The following TAFA2 variants were observed in gnomAD, a reference collection of about 807,000 sequenced individuals.
TAFA2 encodes chemokine-like protein TAFA-2.
Under a neutral mutation model 18.8 loss-of-function variants are expected in TAFA2, and 7 were observed. The observed-to-expected ratio is 0.37, with a 90% CI of 0.21 to 0.70. The LOEUF is 0.70. Ranked by LOEUF, TAFA2 falls within the 30% of genes least tolerant of loss-of-function variation. The pLI is 0.53. For missense variants in TAFA2, 122 were observed against 158.1 expected (o/e 0.77, Z 1.23); for synonymous variants, 60 against 54.2 (o/e 1.11, Z -0.47).
intron 1 of TAFA2, among the ~76,000 whole-genome samples, chr12:62,108,469 C>T (rs11174324): frequency 0.22 from 34,125 of 152,028 alleles, 4,203 homozygotes; most frequent in East Asian, 0.37. Context: ...TATGTCTTTA[C>T]AGTAGAATTT....
At chr12:61,743,854 C>T (rs12304279) in intron 4 of TAFA2, among the ~76,000 whole-genome samples, 51,992 of 151,608 alleles carry the variant, frequency 0.34, 8,934 homozygotes, top group South Asian at 0.38. Context: ...CATGGGAGAA[C>T]GTACATAGGA....
In TAFA2 at chr12:62,227,961, G is replaced by T. The variant is rs146338625; in HGVS notation, c.-130+30802C>A. On this transcript the variant is annotated intron_variant, in intron 1 of 5. Transcript: ENST00000551619. The stretch of plus-strand genomic sequence containing the variant: ...CTTGATTCTCTCTTCTGTTCCATGG[G>T]TCTATGTATATGTTTTTATGTGGGT... Among the ~76,000 whole-genome samples, 235 of 151,992 alleles carry T rather than the reference G, an allele frequency of 1.5e-3. 1 individual carries two copies. The highest frequency in any genetic ancestry group is 5.5e-3 in the African/African-American group (226 of 41,446).
chr12:61,848,657 T>C (rs1481277866), intron 2 of TAFA2, among the ~76,000 whole-genome samples: 1 of 151,706 alleles, frequency 6.6e-6, no homozygotes, highest in Non-Finnish European at 1.5e-5. Context: ...TCATCTATTT[T>C]ATTGAACACT....
chr12:61,908,337 T>C (rs1254027310), intron 1 of TAFA2, among the ~76,000 whole-genome samples: 1 of 152,088 alleles, frequency 6.6e-6, no homozygotes, highest in Non-Finnish European at 1.5e-5. Flanking sequence ...CCATGAAATC[T>C]GATGGTTTTA....
At chr12:61,878,554 C>T (rs1309567775) in intron 1 of TAFA2, among the ~76,000 whole-genome samples, 2 of 152,152 alleles carry the variant, frequency 1.3e-5, no homozygotes, top group Non-Finnish European at 2.9e-5. Context: ...TTATTTCCAG[C>T]ATTTATGTTT....
At chr12:61,788,211 TC>T (rs1870819219) in intron 2 of TAFA2, among the ~76,000 whole-genome samples, 1 of 151,186 alleles carries the variant, frequency 6.6e-6, no homozygotes, top group Admixed American at 6.6e-5. Context: ...AGAGGAAATA[TC>T]ATTAAATCTA....
At chr12:61,932,443 C>T (rs1186887709) in intron 1 of TAFA2, among the ~76,000 whole-genome samples, 2 of 152,164 alleles carry the variant, frequency 1.3e-5, no homozygotes, top group East Asian at 3.9e-4. Context: ...ATAATATCAT[C>T]CACACCCATA....
In TAFA2 at chr12:61,848,052, T is replaced by C. The variant is rs1394379230; in HGVS notation, c.106+19268A>G. 3.9e-5 allele frequency among the ~76,000 whole-genome samples: 6 copies of C among 152,222 alleles called. No individual in the cohort carries two copies. In the East Asian group the frequency reaches 1.2e-3, roughly 29 times the overall value. ...TTCAATTGATGGATTTTCTCGATATTAACCTTCCAGTGAGTTAGCTATAAC... is the reference window on the plus strand; with the variant it reads ...TTCAATTGATGGATTTTCTCGATATCAACCTTCCAGTGAGTTAGCTATAAC... On this transcript the variant is annotated intron_variant, in intron 2 of 4. Coordinates refer to ENST00000416284, the MANE Select transcript of TAFA2 (RefSeq NM_178539.5).
chr12:61,995,034 G>C (rs1880138074), intron 1 of TAFA2, among the ~76,000 whole-genome samples: 1 of 152,160 alleles, frequency 6.6e-6, no homozygotes, highest in African/African-American at 2.4e-5. Context: ...CACTCAACAA[G>C]AGTGTTCCTA....
At chr12:61,736,951 G>C (rs1054745173) in intron 4 of TAFA2, among the ~76,000 whole-genome samples, 1 of 151,930 alleles carries the variant, frequency 6.6e-6, no homozygotes, top group Admixed American at 6.6e-5. Context: ...TATAGATATA[G>C]CACTGCACTA....
chr12:61,875,504 ATATAT>A (rs1415679184), intron 1 of TAFA2, among the ~76,000 whole-genome samples: 1 of 152,150 alleles, frequency 6.6e-6, no homozygotes, highest in Non-Finnish European at 1.5e-5. Context: ...GTAACAAGAT[ATATAT>A]TATATCAAAA....
chr12:61,778,275 G>T (rs1870356768), intron 2 of TAFA2, among the ~76,000 whole-genome samples: 1 of 151,682 alleles, frequency 6.6e-6, no homozygotes, highest in African/African-American at 2.4e-5. Flanking sequence ...TCGAGCCTAA[G>T]GGGCAAGGAA....
chr12:62,118,576 C>A (rs1270165852), intron 1 of TAFA2, among the ~76,000 whole-genome samples: 2 of 152,170 alleles, frequency 1.3e-5, no homozygotes, highest in Admixed American at 6.5e-5. Flanking sequence ...CCAATTTGCC[C>A]TCCAGTCAGC....
At chr12:62,040,711 C>G (rs142666059) in intron 1 of TAFA2, among the ~76,000 whole-genome samples, 7 of 152,244 alleles carry the variant, frequency 4.6e-5, no homozygotes, top group South Asian at 2.1e-4. Flanking sequence ...TACTTCATGA[C>G]AGCAGCCCTA....
At chr12:61,910,104 G>GTGTT (rs1255620076) in intron 1 of TAFA2, among the ~76,000 whole-genome samples, 51 of 8,992 alleles carry the variant, frequency 5.7e-3, no homozygotes, top group African/African-American at 0.051. Context: ...GTGTGTTTGT[G>GTGTT]TGTGTGTGTG....
intron 4 of TAFA2, among the ~76,000 whole-genome samples, chr12:61,713,260 A>G (rs182288088): frequency 4.1e-4 from 63 of 152,294 alleles, no homozygotes; most frequent in African/African-American, 1.5e-3. Context: ...AGCTGTAACC[A>G]ATCTGGCTGT....
intron 2 of TAFA2, among the ~76,000 whole-genome samples, chr12:61,758,774 A>G (rs1317607174): frequency 6.6e-6 from 1 of 152,054 alleles, no homozygotes; most frequent in African/African-American, 2.4e-5. Context: ...GGAGATAAAC[A>G]TCTCTAAGAT....
In TAFA2 at chr12:62,050,425, AG is replaced by A. The variant is rs531708263; in HGVS notation, c.-2+140833del. The stretch of plus-strand genomic sequence containing the variant: ...CTCTACTAAAAAATACAAAAAAATT[AG>A]CCGGGCGTGGTGGCAGGCACCTATA... On this transcript the variant is annotated intron_variant, in intron 1 of 4. Coordinates refer to ENST00000416284, the MANE Select transcript of TAFA2 (RefSeq NM_178539.5). Among the ~76,000 whole-genome samples the A allele has an allele frequency of 7.2e-5, 11 of 152,116 alleles. No homozygotes were observed. The South Asian group carries it at 2.3e-3, about 32-fold the overall frequency.
chr12:61,976,482 C>G (rs986426936), intron 1 of TAFA2, among the ~76,000 whole-genome samples: 4 of 151,892 alleles, frequency 2.6e-5, no homozygotes, highest in Non-Finnish European at 4.4e-5. Context: ...CACAAATCAT[C>G]TAAACAGGCA....
Sources: gnomAD v4.1 joint callset for allele counts (sites outside exome capture counted in the v4.1 genomes callset) on GRCh38, gnomAD v4.1.1 for gene constraint, MANE v1.5 for transcripts, NCBI Gene and HGNC (gene_info 2026-07-23, HGNC 2026-07-21) for gene names.